The following CLTCL1 variants were observed in gnomAD, a reference collection of about 807,000 sequenced individuals.
CLTCL1 encodes clathrin heavy chain 2.
A neutral mutation model predicts 190.0 loss-of-function variants in CLTCL1; 159 were observed. The observed-to-expected ratio is 0.84, with a 90% CI of 0.74 to 0.95. The LOEUF (loss-of-function observed/expected upper bound fraction) is 0.95. CLTCL1 is among the 40% of genes least tolerant of loss of function. The pLI is 0.00. For synonymous variants in CLTCL1, 752 were observed against 769.6 expected, an observed-to-expected ratio of 0.98 and a Z score of 0.38; for missense variants, 1,878 against 2,033.4, an observed-to-expected ratio of 0.92 and a Z score of 1.47.
intron 3 of CLTCL1, 25 bp downstream of exon 3, chr22:19,253,934 C>T (rs2086673194): frequency 6.2e-7 from 1 of 1,604,810 alleles, no homozygotes; most frequent in Admixed American, 1.7e-5. Context: ...ATCAGACCAG[C>T]CCCTAAAGGC....
intron 29 of CLTCL1, among the ~76,000 whole-genome samples, chr22:19,185,663 TG>T (rs1461724729): frequency 1.3e-5 from 2 of 152,260 alleles, no homozygotes; most frequent in African/African-American, 4.8e-5. Flanking sequence ...CTTTGTCCTC[TG>T]GACTCTCTTC....
intron 2 of CLTCL1, chr22:19,258,944 A>G (rs2146141906): frequency 2.8e-6 from 1 of 361,268 alleles, no homozygotes; most frequent in South Asian, 4.2e-5. Context: ...GGATCTTGCA[A>G]TGATTTTTTT....
intron 18 of CLTCL1, among the ~76,000 whole-genome samples, chr22:19,219,235 T>C (rs2085488395): frequency 6.6e-6 from 1 of 152,110 alleles, no homozygotes; most frequent in Non-Finnish European, 1.5e-5. Flanking sequence ...TTGCCCAGGC[T>C]GGAGTGCAGT....
At chr22:19,248,317 T>G (rs1555968730) in intron 3 of CLTCL1, among the ~76,000 whole-genome samples, 1 of 151,986 alleles carries the variant, frequency 6.6e-6, no homozygotes, top group Non-Finnish European at 1.5e-5. Context: ...AAATTATGAA[T>G]TTTTTTGCAA....
intron 2 of CLTCL1, among the ~76,000 whole-genome samples, chr22:19,275,315 C>A (rs1164138966): frequency 1.3e-5 from 2 of 151,964 alleles, no homozygotes; most frequent in Non-Finnish European, 2.9e-5. Context: ...GGCAAGGGGG[C>A]CACACAGCCT....
At chr22:19,273,953 G>A (rs2087409640) in intron 2 of CLTCL1, among the ~76,000 whole-genome samples, 1 of 151,904 alleles carries the variant, frequency 6.6e-6, no homozygotes, top group African/African-American at 2.4e-5. Flanking sequence ...TGGCTGGAAG[G>A]GATTGACAAC....
intron 29 of CLTCL1, 95 bp from the exon 30 acceptor site, chr22:19,183,706 C>A (rs1005560621): frequency 7.9e-5 from 95 of 1,196,522 alleles, no homozygotes; most frequent in Admixed American, 9.9e-5. Flanking sequence ...GCACTAGACT[C>A]CACCAAGGAC....
Position 19,239,273 on chromosome 22 carries a change from AC to A in CLTCL1, c.795+1del, listed in dbSNP as rs2086175702. On this transcript the variant is annotated splice_donor_variant, in intron 5 of 32. Transcript: ENST00000427926. LOFTEE classifies it high-confidence loss of function. ...GATGTTTAGAGAGCAGCACATTCGT[AC>A]CTGCATAGCCACTGGAAAATCATTC... The A allele has an allele frequency of 3.1e-6, 5 of 1,598,300 alleles. No individual in the cohort carries two copies. The East Asian group carries it at 1.1e-4, about 36-fold the overall frequency.
intron 1 of CLTCL1, among the ~76,000 whole-genome samples, chr22:19,279,228 C>T (rs566340049): frequency 6.6e-6 from 1 of 152,240 alleles, no homozygotes; most frequent in East Asian, 1.9e-4. Flanking sequence ...CTCCGCTTCC[C>T]GAGTTCCAGC....
chr22:19,227,026 C>T (rs1279853175), intron 11 of CLTCL1, among the ~76,000 whole-genome samples: 1 of 152,054 alleles, frequency 6.6e-6, no homozygotes, highest in Non-Finnish European at 1.5e-5. Context: ...CCGTGAGCCA[C>T]CGTGCCCAGC....
intron 2 of CLTCL1, among the ~76,000 whole-genome samples, chr22:19,263,398 T>TA (rs782213968): frequency 3.9e-4 from 60 of 151,916 alleles, no homozygotes; most frequent in Non-Finnish European, 7.2e-4. Context: ...TGCCTGGCCA[T>TA]AAATTATTTA....
At chr22:19,210,978 C>T (rs144475023) in intron 19 of CLTCL1, among the ~76,000 whole-genome samples, 323 of 152,216 alleles carry the variant, frequency 2.1e-3, no homozygotes, top group African/African-American at 7.4e-3. Flanking sequence ...AGTGATCCTC[C>T]CACCTTGCCC....
intron 27 of CLTCL1, among the ~76,000 whole-genome samples, chr22:19,188,813 C>T (rs1485366454): frequency 6.6e-6 from 1 of 151,884 alleles, no homozygotes; most frequent in Admixed American, 6.6e-5. Flanking sequence ...AGGGTTTCAC[C>T]ATATTGGTCA....
chr22:19,234,220 A>G (rs1349625299), intron 7 of CLTCL1, among the ~76,000 whole-genome samples: 7 of 152,112 alleles, frequency 4.6e-5, no homozygotes, highest in African/African-American at 1.7e-4. Context: ...AGGTAGCAAG[A>G]GTGGAAAATG....
rs1555954164 is a variant in CLTCL1, at chr22:19,223,970, G to C, written c.2213C>G (p.Thr738Arg). The C allele has an allele frequency of 1.2e-6, 2 of 1,613,960 alleles. No individual in the cohort carries two copies. Among genetic ancestry groups the C allele is most frequent in the Non-Finnish European group, 8.5e-7 (1 of 1,179,876 alleles). Reference protein sequence around the residue: ...HLKYIQAACKTGQIKEVERIC... With the variant: ...HLKYIQAACKRGQIKEVERIC... ...CCTCTCCACCTCCTTGATCTGCCCTGTCTTACAGGCAGCCTGAATGTATTT... is the reference window on the plus strand; with the variant it reads ...CCTCTCCACCTCCTTGATCTGCCCTCTCTTACAGGCAGCCTGAATGTATTT... Residue 738 changes from threonine (T) to arginine (R), a missense_variant, in exon 14 of 33, where the codon ACA becomes AGA. Physicochemically the swap from Thr to Arg is moderately conservative, Grantham distance 71. Coordinates refer to ENST00000427926, the MANE Select transcript of CLTCL1 (RefSeq NM_007098.4).
Position 19,200,739 on chromosome 22 carries a change from A to C in CLTCL1, c.3765+590T>G, listed in dbSNP as rs5748038. Among the ~76,000 whole-genome samples, 1,433 of 152,168 alleles carry C rather than the reference A, an allele frequency of 9.4e-3. 34 individuals carry two copies. The highest frequency in any genetic ancestry group is 0.069 in the East Asian group (356 of 5,172). ...CGCCTGTAGTCCCAGCTACTGGGGG[A>C]GCTGAGGCAGGAGAATGGTGTGAAC... On this transcript the variant is annotated intron_variant, in intron 23 of 32. Transcript: ENST00000427926.
chr22:19,208,125 G>A, intron 22 of CLTCL1, 29 bp downstream of exon 22: 2 of 1,613,592 alleles, frequency 1.2e-6, no homozygotes, highest in Non-Finnish European at 8.5e-7. Flanking sequence ...CTGACTGGCA[G>A]TGCACAGCCC....
Position 19,233,147 on chromosome 22 carries a change from G to C in CLTCL1, c.1521+19C>G. 1 of 1,599,620 alleles carries C rather than the reference G, an allele frequency of 6.3e-7. No homozygotes were observed. Among genetic ancestry groups the C allele is most frequent in the Non-Finnish European group, 8.6e-7 (1 of 1,168,450 alleles). On this transcript the variant is annotated intron_variant, in intron 9 of 32. Coordinates refer to ENST00000427926, the MANE Select transcript of CLTCL1 (RefSeq NM_007098.4). ...CACGTGAGTAATCTGTGAGATGCCA[G>C]TGGTTCAACACACGTTACCTTTTTG...
chr22:19,288,847 G>A (rs565239475), intron 1 of CLTCL1, among the ~76,000 whole-genome samples: 1 of 152,250 alleles, frequency 6.6e-6, no homozygotes, highest in Non-Finnish European at 1.5e-5. Flanking sequence ...GGGCAGAGAG[G>A]AAGGAGAAAC....
Sources: gnomAD v4.1 joint callset for allele counts (sites outside exome capture counted in the v4.1 genomes callset) on GRCh38, gnomAD v4.1.1 for gene constraint, MANE v1.5 for transcripts, NCBI Gene and HGNC (gene_info 2026-07-23, HGNC 2026-07-21) for gene names.